LRRTM4: variants seen among roughly 807,000 people sequenced by gnomAD.
LRRTM4 encodes leucine-rich repeat transmembrane neuronal protein 4.
Under a neutral mutation model 47.6 loss-of-function variants are expected in LRRTM4, and 25 were observed. That is an observed-to-expected ratio of 0.53 (90% CI 0.38 to 0.73). LRRTM4 has a LOEUF of 0.73. LRRTM4 is among the 30% of genes least tolerant of loss of function. The pLI, the probability that LRRTM4 is intolerant of heterozygous loss-of-function variation, is 0.00. For missense variants in LRRTM4, 638 were observed against 713.4 expected, an observed-to-expected ratio of 0.89 and a Z score of 1.20; for synonymous variants, 311 against 269.5, an observed-to-expected ratio of 1.15 and a Z score of -1.51.
intron 3 of LRRTM4, among the ~76,000 whole-genome samples, chr2:77,355,788 T>C (rs1305200903): frequency 6.6e-6 from 1 of 152,214 alleles, no homozygotes; most frequent in Non-Finnish European, 1.5e-5. Flanking sequence ...TTGGAGTTTA[T>C]ATTGGAAATA....
intron 3 of LRRTM4, among the ~76,000 whole-genome samples, chr2:77,400,210 ATTCT>A (rs1013004762): frequency 5.9e-5 from 9 of 151,396 alleles, no homozygotes; most frequent in African/African-American, 2.2e-4. Flanking sequence ...ATGATACCGT[ATTCT>A]TTTTTTTCTC....
intron 3 of LRRTM4, among the ~76,000 whole-genome samples, chr2:77,237,451 G>T (rs1211535363): frequency 6.6e-6 from 1 of 151,486 alleles, no homozygotes; most frequent in East Asian, 1.9e-4. Context: ...TTTTGCTTTT[G>T]AAGTATATCT....
At chr2:77,236,375 A>G (rs932139864) in intron 3 of LRRTM4, among the ~76,000 whole-genome samples, 1 of 152,104 alleles carries the variant, frequency 6.6e-6, no homozygotes, top group African/African-American at 2.4e-5. Flanking sequence ...GTATTCTGAT[A>G]CATCAGTGAA....
At chr2:76,870,285 G>C (rs554307896) in intron 3 of LRRTM4, among the ~76,000 whole-genome samples, 1 of 152,058 alleles carries the variant, frequency 6.6e-6, no homozygotes, top group Non-Finnish European at 1.5e-5. Flanking sequence ...GTCTGACAAG[G>C]TCTTTTTGTA....
At chr2:77,036,836 G>A (rs879377246) in intron 3 of LRRTM4, among the ~76,000 whole-genome samples, 17 of 151,588 alleles carry the variant, frequency 1.1e-4, no homozygotes, top group Non-Finnish European at 2.1e-4. Context: ...ATACATAAGC[G>A]TCCCAACCCA....
intron 3 of LRRTM4, among the ~76,000 whole-genome samples, chr2:76,918,527 T>G (rs1674329036): frequency 6.6e-6 from 1 of 152,212 alleles, no homozygotes; most frequent in East Asian, 1.9e-4. Context: ...GCCGTATTAA[T>G]GAGGAACATG....
At chr2:77,292,656 A>G (rs1212871176) in intron 3 of LRRTM4, among the ~76,000 whole-genome samples, 2 of 133,336 alleles carry the variant, frequency 1.5e-5, no homozygotes. Flanking sequence ...ATGAGAACAC[A>G]TGGACACAGG....
chr2:77,353,177 A>G (rs1644214160), intron 3 of LRRTM4, among the ~76,000 whole-genome samples: 1 of 152,204 alleles, frequency 6.6e-6, no homozygotes, highest in Non-Finnish European at 1.5e-5. Context: ...CAAAAGTATA[A>G]TCAAGATAAT....
At chr2:77,226,068 T>C (rs1674796760) in intron 3 of LRRTM4, among the ~76,000 whole-genome samples, 1 of 151,674 alleles carries the variant, frequency 6.6e-6, no homozygotes, top group African/African-American at 2.4e-5. Flanking sequence ...TTATAATTAT[T>C]ATTGTTTTAA....
At chr2:77,279,077 G>T (rs187312796) in intron 3 of LRRTM4, among the ~76,000 whole-genome samples, 3 of 152,112 alleles carry the variant, frequency 2.0e-5, no homozygotes, top group East Asian at 3.9e-4. Context: ...ATTCTAAGAT[G>T]CCCTGGTGAG....
At chr2:77,391,974 A>G (rs1673522763) in intron 3 of LRRTM4, among the ~76,000 whole-genome samples, 1 of 152,016 alleles carries the variant, frequency 6.6e-6, no homozygotes, top group African/African-American at 2.4e-5. Context: ...ACCCCATAAC[A>G]TATTTCTTGA....
At chr2:77,200,463 CTTCTT>C (rs1474107665) in intron 3 of LRRTM4, among the ~76,000 whole-genome samples, 8 of 152,106 alleles carry the variant, frequency 5.3e-5, no homozygotes, top group South Asian at 4.1e-4. Flanking sequence ...AATATAAACT[CTTCTT>C]CAATTCAGTT....
intron 3 of LRRTM4, among the ~76,000 whole-genome samples, chr2:76,906,997 T>A (rs1336766870): frequency 6.6e-6 from 1 of 151,918 alleles, no homozygotes; most frequent in Non-Finnish European, 1.5e-5. Context: ...CCAAGCAGAA[T>A]AGACATCTAC....
At chr2:76,963,633 G>C (rs543039787) in intron 3 of LRRTM4, among the ~76,000 whole-genome samples, 1 of 150,780 alleles carries the variant, frequency 6.6e-6, no homozygotes, top group African/African-American at 2.4e-5. Context: ...ATGTATAAGG[G>C]GAAATTTAGC....
intron 3 of LRRTM4, among the ~76,000 whole-genome samples, chr2:77,106,720 A>C (rs2103923455): frequency 6.6e-6 from 1 of 152,168 alleles, no homozygotes; most frequent in Non-Finnish European, 1.5e-5. Flanking sequence ...ATATATAACA[A>C]AATACGTATC....
chr2:76,971,262 C>T (rs1676210245), intron 3 of LRRTM4, among the ~76,000 whole-genome samples: 1 of 151,000 alleles, frequency 6.6e-6, no homozygotes, highest in Non-Finnish European at 1.5e-5. Context: ...CTTTCCTTAG[C>T]CCCATCTACC....
intron 3 of LRRTM4, among the ~76,000 whole-genome samples, chr2:77,208,308 C>T (rs536232535): frequency 6.6e-6 from 1 of 152,182 alleles, no homozygotes; most frequent in Admixed American, 6.5e-5. Context: ...CTTTCTCGCA[C>T]ACAGAAAGAG....
chr2:77,512,931 T>C (rs1679074536), intron 3 of LRRTM4, among the ~76,000 whole-genome samples: 1 of 152,140 alleles, frequency 6.6e-6, no homozygotes, highest in South Asian at 2.1e-4. Context: ...TTTAAAATCT[T>C]TCCTAAATTA....
chr2:77,192,509 T>G lies in LRRTM4; in HGVS notation c.1551+325809A>C, dbSNP rs1233090550. On this transcript the variant is annotated intron_variant, in intron 3 of 3. Transcript: ENST00000409884. ...GTGTGATAGTTGACTGAATCACTCT[T>G]CTTTTGAAATTGAGAAAAATAATTT... 2.0e-5 allele frequency among the ~76,000 whole-genome samples: 3 copies of G among 152,276 alleles called. No individual in the cohort carries two copies. The East Asian group carries it at 5.8e-4, about 29-fold the overall frequency.
Sources: allele counts gnomAD v4.1 joint callset (sites outside exome capture counted in the v4.1 genomes callset), GRCh38; gene constraint gnomAD v4.1.1; transcripts MANE v1.5; gene names NCBI Gene and HGNC (gene_info 2026-07-23, HGNC 2026-07-21).